The following PARVB variants were observed in gnomAD, a reference collection of about 807,000 sequenced individuals.
The protein encoded by PARVB is beta-parvin.
A neutral mutation model predicts 47.0 loss-of-function variants in PARVB; 46 were observed. The observed-to-expected ratio is 0.98, with a 90% CI of 0.77 to 1.25. The LOEUF (loss-of-function observed/expected upper bound fraction) is 1.25, where lower values mean the gene tolerates loss of function less well. Among genes scored for constraint, PARVB ranks in the 50% most tolerant of loss-of-function variants. PARVB has a pLI of 0.00. For synonymous variants in PARVB, 196 were observed against 196.3 expected (o/e 1.00, Z 0.01); for missense variants, 473 against 471.6 (o/e 1.00, Z -0.03).
At chr22:44,010,228 C>T (rs536880318) in intron 2 of PARVB, among the ~76,000 whole-genome samples, 13 of 152,266 alleles carry the variant, frequency 8.5e-5, no homozygotes, top group South Asian at 4.2e-4. Flanking sequence ...AACTGGCACT[C>T]AGTATTTGTG....
rs116160255 is a variant in PARVB at position 44,140,228 on chromosome 22, G to C, written c.712+85G>C. The C allele has an allele frequency of 2.8e-4, 393 of 1,389,810 alleles. 1 individual carries two copies. The African/African-American group carries it at 4.6e-3, about 16-fold the overall frequency. The allele number at this position is 1,389,810 out of a possible 1,614,324, so 86.1% of individuals were successfully genotyped here. A position where few individuals can be genotyped will look rare whatever the true frequency, so the allele number is the denominator to read the frequency against. On this transcript the variant is annotated intron_variant, in intron 8 of 12. Coordinates refer to ENST00000338758, the MANE Select transcript of PARVB (RefSeq NM_013327.5). ...CCCAGAGAGTGTACATGGTTATCTGGAGGGAGTGGGAAACTAGATGGGTCT... is the reference window on the plus strand; with the variant it reads ...CCCAGAGAGTGTACATGGTTATCTGCAGGGAGTGGGAAACTAGATGGGTCT...
At chr22:44,060,837 G>A (rs2051405148) in intron 1 of PARVB, among the ~76,000 whole-genome samples, 1 of 152,032 alleles carries the variant, frequency 6.6e-6, no homozygotes, top group South Asian at 2.1e-4. Context: ...CCCCAAGTTA[G>A]CCAATACTGA....
At chr22:44,081,290 G>A (rs1299045818) in intron 1 of PARVB, among the ~76,000 whole-genome samples, 1 of 152,138 alleles carries the variant, frequency 6.6e-6, no homozygotes, top group Non-Finnish European at 1.5e-5. Context: ...GAAGGGGCCT[G>A]TCTCCGAAGC....
chr22:44,102,610 G>A lies in PARVB; in HGVS notation c.273+2487G>A, dbSNP rs567972785. Among the ~76,000 whole-genome samples the A allele has an allele frequency of 2.3e-3, 343 of 152,122 alleles. 2 individuals carry two copies. Among genetic ancestry groups the A allele is most frequent in the Non-Finnish European group, 4.0e-3 (271 of 67,984 alleles). ...CCCAGCGCCCTGGGAGGCCAAGGTTGGGGGGAATCACTTGAGCCCAGGAGT... is the reference window on the plus strand; with the variant it reads ...CCCAGCGCCCTGGGAGGCCAAGGTTAGGGGGAATCACTTGAGCCCAGGAGT... On this transcript the variant is annotated intron_variant, in intron 3 of 12. Transcript: ENST00000338758.
chr22:44,105,294 AG>A (rs902417371), intron 3 of PARVB: 4 of 152,222 alleles, frequency 2.6e-5, no homozygotes, highest in African/African-American at 9.7e-5. Flanking sequence ...TTTATCTGGC[AG>A]GGCATTTCGG....
At chr22:44,124,762 G>T (rs1439993262) in intron 4 of PARVB, among the ~76,000 whole-genome samples, 3 of 152,232 alleles carry the variant, frequency 2.0e-5, no homozygotes, top group African/African-American at 7.2e-5. Flanking sequence ...CTCCCTCAGG[G>T]CAGGGCTGGT....
chr22:44,059,039 C>CTTTTTTTT (rs11296450), intron 1 of PARVB, among the ~76,000 whole-genome samples: 1 of 73,072 alleles, frequency 1.4e-5, no homozygotes, highest in Non-Finnish European at 2.3e-5. Flanking sequence ...CACCCTGTGG[C>CTTTTTTTT]TTTTTTTTTT....
chr22:44,041,694 G>A (rs1385127773), intron 1 of PARVB, among the ~76,000 whole-genome samples: 2 of 151,942 alleles, frequency 1.3e-5, no homozygotes, highest in African/African-American at 4.8e-5. Flanking sequence ...GACCAGCCTA[G>A]GCTACATAGT....
At chr22:44,154,529 T>TGGTG (rs1158194392) in intron 10 of PARVB, among the ~76,000 whole-genome samples, 5 of 121,804 alleles carry the variant, frequency 4.1e-5, no homozygotes, top group South Asian at 3.4e-4. Flanking sequence ...TTATGTAGTC[T>TGGTG]GGTGGGTGTG....
intron 12 of PARVB, among the ~76,000 whole-genome samples, chr22:44,167,057 C>T (rs534940411): frequency 1.9e-4 from 29 of 152,266 alleles, no homozygotes; most frequent in African/African-American, 6.3e-4. Context: ...ACCCCCTGCA[C>T]GTGGGCGGGT....
At chr22:44,124,508 A>G (rs985170914) in intron 4 of PARVB, among the ~76,000 whole-genome samples, 5 of 151,410 alleles carry the variant, frequency 3.3e-5, no homozygotes, top group African/African-American at 1.2e-4. Flanking sequence ...CTGGAGGGTC[A>G]CTCCCACAGA....
chr22:44,147,538 G>A, intron 8 of PARVB: 1 of 439,890 alleles, frequency 2.3e-6, no homozygotes, highest in Non-Finnish European at 4.4e-6. Flanking sequence ...GACGCCTCAA[G>A]TCCTAGGACG....
chr22:44,130,117 A>C (rs747842796), intron 4 of PARVB, among the ~76,000 whole-genome samples: 4 of 152,258 alleles, frequency 2.6e-5, no homozygotes, highest in Non-Finnish European at 5.9e-5. Flanking sequence ...CTTGCAAAAC[A>C]GAAACCCCAT....
chr22:44,136,629 A>T (rs538650746), intron 7 of PARVB, 111 bp downstream of exon 7: 1 of 823,638 alleles, frequency 1.2e-6, no homozygotes, highest in East Asian at 2.4e-5. Context: ...CTCCCGCTCC[A>T]CACCCCTTCT....
intron 2 of PARVB, among the ~76,000 whole-genome samples, chr22:44,008,493 C>G (rs570650006): frequency 2.0e-5 from 3 of 152,260 alleles, no homozygotes; most frequent in East Asian, 3.9e-4. Context: ...AAAAAAGATT[C>G]ATTTTGCATT....
intron 6 of PARVB, among the ~76,000 whole-genome samples, chr22:44,134,327 T>TAA (rs2053395610): frequency 1.3e-5 from 2 of 152,304 alleles, no homozygotes; most frequent in South Asian, 2.1e-4. Flanking sequence ...GCCCCGTGTC[T>TAA]TGGCCACTGG....
chr22:44,024,233 C>G, upstream of PARVB: 1 of 418,312 alleles, frequency 2.4e-6, no homozygotes, highest in Non-Finnish European at 3.2e-6. Context: ...GGGGCGGGGG[C>G]GGGACCGGGG....
At chr22:44,007,339 T>C (rs1309571580) in intron 2 of PARVB, among the ~76,000 whole-genome samples, 1 of 152,196 alleles carries the variant, frequency 6.6e-6, no homozygotes, top group East Asian at 1.9e-4. Flanking sequence ...CTTTGCAGTT[T>C]AGCATGGGGC....
intron 1 of PARVB, among the ~76,000 whole-genome samples, chr22:44,043,602 C>T (rs1403553057): frequency 1.3e-5 from 2 of 152,160 alleles, no homozygotes; most frequent in Non-Finnish European, 2.9e-5. Context: ...TGGTCTCAAT[C>T]TCCTGACCCC....
Sources: allele counts gnomAD v4.1 joint callset (sites outside exome capture counted in the v4.1 genomes callset), GRCh38; gene constraint gnomAD v4.1.1; transcripts MANE v1.5; gene names NCBI Gene and HGNC (gene_info 2026-07-23, HGNC 2026-07-21).